The following GABRG1 variants were observed in gnomAD, a reference collection of about 807,000 sequenced individuals.
GABRG1 encodes the protein gamma-aminobutyric acid type A receptor subunit gamma1, also known as gamma-aminobutyric acid receptor subunit gamma-1.
Under a neutral mutation model 49.8 loss-of-function variants are expected in GABRG1, and 49 were observed. The ratio of observed to expected loss-of-function variants is 0.98; its 90% CI spans 0.78 to 1.25. The LOEUF (loss-of-function observed/expected upper bound fraction) is 1.25, where lower values mean the gene tolerates loss of function less well. GABRG1 is among the 50% of genes most tolerant of loss of function. The pLI, the probability that GABRG1 is intolerant of heterozygous loss-of-function variation, is 0.00. For synonymous variants in GABRG1, 232 were observed against 185.1 expected (o/e 1.25, Z -2.06); for missense variants, 552 against 552.3 (o/e 1.00, Z 0.01).
chr4:46,095,056 C>A (rs575885737), intron 2 of GABRG1, among the ~76,000 whole-genome samples: 2 of 151,672 alleles, frequency 1.3e-5, no homozygotes, highest in Non-Finnish European at 2.9e-5. Flanking sequence ...ACATTTCTCA[C>A]GCACACACAA....
At chr4:46,103,284 A>AC (rs1553883324) in intron 1 of GABRG1, among the ~76,000 whole-genome samples, 2 of 114,210 alleles carry the variant, frequency 1.8e-5, no homozygotes, top group East Asian at 2.3e-4. Context: ...AAATTGATTG[A>AC]TGAGGCCATT....
intron 2 of GABRG1, among the ~76,000 whole-genome samples, chr4:46,087,667 A>C (rs1335875873): frequency 6.6e-6 from 1 of 151,910 alleles, no homozygotes; most frequent in Non-Finnish European, 1.5e-5. Flanking sequence ...CCCAAGAAGG[A>C]AAACTCCAGG....
rs745992140 is a variant in GABRG1 at position 46,039,590 on chromosome 4, T to G, written c.*1398A>C. On this transcript the variant is annotated 3_prime_UTR_variant, in exon 9 of 9. Coordinates refer to ENST00000295452, the MANE Select transcript of GABRG1 (RefSeq NM_173536.4). ...CAACAGAAACAATCTTTAAAGGTTA[T>G]TTCCAAGCTAAACCTGGTGGTTCTC... The G allele has an allele frequency of 2.6e-5, 4 of 151,792 alleles. No homozygotes were observed. The highest frequency in any genetic ancestry group is 4.4e-5 in the Non-Finnish European group (3 of 67,824). 9.4% of individuals were successfully genotyped at this position (151,792 alleles called of 1,614,324 possible).
At chr4:46,079,728 G>T (rs1249933195) in intron 3 of GABRG1, among the ~76,000 whole-genome samples, 2 of 151,664 alleles carry the variant, frequency 1.3e-5, no homozygotes, top group African/African-American at 2.4e-5. Context: ...GAATTTCCTG[G>T]AGCTTTTACC....
intron 8 of GABRG1, among the ~76,000 whole-genome samples, chr4:46,050,688 C>G (rs1718180218): frequency 6.6e-6 from 1 of 151,728 alleles, no homozygotes; most frequent in African/African-American, 2.4e-5. Flanking sequence ...CAAAAAGGAT[C>G]CAGGTCTGAG....
At chr4:46,120,885 G>T (rs1344317372) in intron 1 of GABRG1, among the ~76,000 whole-genome samples, 7 of 151,644 alleles carry the variant, frequency 4.6e-5, no homozygotes, top group Admixed American at 1.3e-4. Flanking sequence ...TTTGGTAACA[G>T]CTAAAATATC....
intron 2 of GABRG1, among the ~76,000 whole-genome samples, chr4:46,094,318 G>A (rs1720099914): frequency 6.6e-6 from 1 of 151,898 alleles, no homozygotes. Flanking sequence ...ACCAAATCTG[G>A]AAAGAAATCT....
chr4:46,068,529 C>T (rs1670933817), intron 3 of GABRG1, among the ~76,000 whole-genome samples: 1 of 152,064 alleles, frequency 6.6e-6, no homozygotes, highest in Non-Finnish European at 1.5e-5. Context: ...AAAAAGTTTT[C>T]TACTCACAGT....
rs968842684 is a variant in GABRG1, at chr4:46,075,582, C to T, written c.321+8404G>A. 1.2e-4 allele frequency among the ~76,000 whole-genome samples: 19 copies of T among 152,044 alleles called. 1 individual carries two copies. The highest frequency in any genetic ancestry group is 1.1e-3 in the Admixed American group (17 of 15,238). ...CCTGAGAACTTGGTTTTTTCTTTTT[C>T]ACAAAATTGCCTTTTTCCTGTCTAT... On this transcript the variant is annotated intron_variant, in intron 3 of 8. Coordinates refer to ENST00000295452, the MANE Select transcript of GABRG1 (RefSeq NM_173536.4).
chr4:46,123,101 AAC>A (rs34086673), intron 1 of GABRG1, among the ~76,000 whole-genome samples: 15,175 of 129,328 alleles, frequency 0.12, 831 homozygotes, highest in East Asian at 0.22. Context: ...CATACACACA[AAC>A]ACACACACAC....
intron 5 of GABRG1, among the ~76,000 whole-genome samples, chr4:46,064,011 T>A (rs1374478003): frequency 6.6e-6 from 1 of 152,126 alleles, no homozygotes; most frequent in Non-Finnish European, 1.5e-5. Context: ...TTGCTATTCG[T>A]ATGGTAAATA....
At chr4:46,048,409 AG>A (rs1347947985) in intron 8 of GABRG1, among the ~76,000 whole-genome samples, 9 of 150,478 alleles carry the variant, frequency 6.0e-5, no homozygotes, top group African/African-American at 2.2e-4. Context: ...GAAGGAAGGA[AG>A]GAAGGAAGGA....
At chr4:46,095,082 GAAAT>G (rs1239230225) in intron 2 of GABRG1, among the ~76,000 whole-genome samples, 8 of 151,444 alleles carry the variant, frequency 5.3e-5, no homozygotes, top group African/African-American at 1.9e-4. Context: ...CAAAAAGTAA[GAAAT>G]AAATAAAAAA....
rs377086625 is a variant in GABRG1 at position 46,050,001 on chromosome 4, A to G, written c.1131+1423T>C. Among the ~76,000 whole-genome samples, 5 of 151,954 alleles carry G rather than the reference A, an allele frequency of 3.3e-5. No homozygotes were observed. The East Asian group carries it at 7.7e-4, about 23-fold the overall frequency. On this transcript the variant is annotated intron_variant, in intron 8 of 8. Transcript: ENST00000295452. The stretch of plus-strand genomic sequence containing the variant: ...TCCACTCAAAATTTCCAGAAATAAA[A>G]CTTTCAAGGCAATAATCCAACATAG...
In GABRG1 at chr4:46,104,605, G is replaced by A. The variant is rs73241872; in HGVS notation, c.105-7256C>T. On this transcript the variant is annotated intron_variant, in intron 1 of 8. Coordinates refer to ENST00000295452, the MANE Select transcript of GABRG1 (RefSeq NM_173536.4). The stretch of plus-strand genomic sequence containing the variant: ...CTAATTTTCATTGCATTACATTCCT[G>A]TAATTATTATAAAATAAAACACCTA... 2.3e-3 allele frequency among the ~76,000 whole-genome samples: 355 copies of A among 151,362 alleles called. 1 individual carries two copies. Among genetic ancestry groups the A allele is most frequent in the Non-Finnish European group, 3.9e-3 (261 of 67,616 alleles).
intron 1 of GABRG1, among the ~76,000 whole-genome samples, chr4:46,118,132 G>GTATATATATA (rs1553884495): frequency 0.046 from 5,040 of 109,828 alleles, 414 homozygotes; most frequent in Admixed American, 0.068. Context: ...GTGTGTGTGT[G>GTATATATATA]TATATATATA....
chr4:46,117,461 T>C (rs1220524056), intron 1 of GABRG1, among the ~76,000 whole-genome samples: 1 of 149,616 alleles, frequency 6.7e-6, no homozygotes, highest in Non-Finnish European at 1.5e-5. Context: ...GAGTAAAGGT[T>C]CACCTAAAAT....
At chr4:46,104,577 T>A (rs1720476551) in intron 1 of GABRG1, among the ~76,000 whole-genome samples, 1 of 151,580 alleles carries the variant, frequency 6.6e-6, no homozygotes, top group Non-Finnish European at 1.5e-5. Flanking sequence ...TATGAAATAG[T>A]ATCTAATTTT....
chr4:46,058,096 A>C (rs574369341), intron 7 of GABRG1, 121 bp downstream of exon 7: 73 of 870,530 alleles, frequency 8.4e-5, no homozygotes, highest in Middle Eastern at 2.5e-4. Flanking sequence ...AGTTCCTGTC[A>C]ATTTTTTTCC....
Sources: gnomAD v4.1 joint callset for allele counts (sites outside exome capture counted in the v4.1 genomes callset) on GRCh38, gnomAD v4.1.1 for gene constraint, MANE v1.5 for transcripts, NCBI Gene and HGNC (gene_info 2026-07-23, HGNC 2026-07-21) for gene names.